The following LOC400499 variants were observed in gnomAD, a reference collection of about 807,000 sequenced individuals.
chr16:11,515,870 AGCCCAGCCCAGCCCAGCCCAGCCTAGC>A, the LOC400499 span: 2 of 14,418 alleles, frequency 1.4e-4, no homozygotes, highest in African/African-American at 3.6e-4. Context: ...AGCCCAGCCC[AGCCCAGCCCAGCCCAGCCCAGCCTAGC>A]CCAGCCCAGC....
At chr16:11,509,267 G>A in the LOC400499 span, among the ~76,000 whole-genome samples, 5 of 151,632 alleles carry the variant, frequency 3.3e-5, no homozygotes, top group African/African-American at 4.8e-5. Flanking sequence ...ACAGGCGCCT[G>A]CCACCACGCC....
the LOC400499 span, among the ~76,000 whole-genome samples, chr16:11,452,099 T>C: frequency 6.6e-6 from 1 of 152,166 alleles, no homozygotes; most frequent in African/African-American, 2.4e-5. Flanking sequence ...TTCATTCATG[T>C]TCTTTCAAGG....
At chr16:11,460,056 T>A in the LOC400499 span, 1 of 1,419,704 alleles carries the variant, frequency 7.0e-7, no homozygotes, top group Admixed American at 2.4e-5. Flanking sequence ...GAGCTGGACC[T>A]GGGACACACA....
chr16:11,475,332 AAAT>A, the LOC400499 span, among the ~76,000 whole-genome samples: 1 of 152,140 alleles, frequency 6.6e-6, no homozygotes, highest in Non-Finnish European at 1.5e-5. Context: ...AGTAAAATAA[AAAT>A]AATAAATAAA....
the LOC400499 span, chr16:11,414,555 C>T: frequency 2.5e-6 from 1 of 399,452 alleles, no homozygotes; most frequent in Non-Finnish European, 4.4e-6. Flanking sequence ...CTTCACCTCC[C>T]TTCCCAGCCC....
chr16:11,390,035 C>G, the LOC400499 span: 1 of 1,040,296 alleles, frequency 9.6e-7, no homozygotes. Context: ...CGGAAGGTGT[C>G]AAAGCATTCA....
the LOC400499 span, chr16:11,398,249 C>T: frequency 2.5e-5 from 27 of 1,091,564 alleles, no homozygotes; most frequent in Non-Finnish European, 3.0e-5. Context: ...CTGGCTGCCT[C>T]GCTCACACCC....
chr16:11,373,017 G>A, the LOC400499 span, among the ~76,000 whole-genome samples: 3 of 152,232 alleles, frequency 2.0e-5, no homozygotes, highest in Non-Finnish European at 2.9e-5. Context: ...TGCTCACTCT[G>A]TGTCAGGTTC....
At chr16:11,374,523 T>C in the LOC400499 span, among the ~76,000 whole-genome samples, 3 of 152,228 alleles carry the variant, frequency 2.0e-5, no homozygotes, top group Non-Finnish European at 2.9e-5. Flanking sequence ...ACCACTGTAC[T>C]TTCTGTCTCT....
chr16:11,396,342 G>A, the LOC400499 span: 39 of 628,678 alleles, frequency 6.2e-5, no homozygotes, highest in Middle Eastern at 4.9e-4. Flanking sequence ...GCGTTCCCCC[G>A]ACCCAGAATG....
At chr16:11,411,543 T>A in the LOC400499 span, among the ~76,000 whole-genome samples, 3 of 152,050 alleles carry the variant, frequency 2.0e-5, no homozygotes, top group Admixed American at 2.0e-4. Context: ...TTACCTAGAT[T>A]TGAGTCCTGG....
the LOC400499 span, chr16:11,487,147 G>C: frequency 2.5e-6 from 1 of 397,378 alleles, no homozygotes; most frequent in Non-Finnish European, 4.4e-6. Flanking sequence ...ATTAGGGGAG[G>C]AGATTGAACA....
chr16:11,425,799 T>C, the LOC400499 span, among the ~76,000 whole-genome samples: 1 of 152,158 alleles, frequency 6.6e-6, no homozygotes, highest in African/African-American at 2.4e-5. Context: ...ACCAATCTCA[T>C]ACAAACTCGT....
chr16:11,387,954 G>A, the LOC400499 span, among the ~76,000 whole-genome samples: 1 of 152,122 alleles, frequency 6.6e-6, no homozygotes, highest in African/African-American at 2.4e-5. Flanking sequence ...ACAGTTTAGG[G>A]GAGGACTGGA....
the LOC400499 span, among the ~76,000 whole-genome samples, chr16:11,397,792 A>AT: frequency 7.3e-4 from 20 of 27,444 alleles, no homozygotes; most frequent in African/African-American, 2.2e-3. Flanking sequence ...GGAGGGAGGG[A>AT]GGGAGGGATG....
chr16:11,458,040 G>A, the LOC400499 span, among the ~76,000 whole-genome samples: 4 of 151,542 alleles, frequency 2.6e-5, no homozygotes, highest in Admixed American at 6.6e-5. Flanking sequence ...CTGTCTCTAC[G>A]AAAAATACAA....
chr16:11,425,153 T>A, the LOC400499 span: 1 of 398,982 alleles, frequency 2.5e-6, no homozygotes, highest in Non-Finnish European at 4.4e-6. Context: ...TGATATTGTG[T>A]GTCGGGCCAC....
chr16:11,383,055 G>A, the LOC400499 span, among the ~76,000 whole-genome samples: 2 of 150,312 alleles, frequency 1.3e-5, no homozygotes, highest in African/African-American at 4.9e-5. Flanking sequence ...AGTACAAAGA[G>A]AGGAGGTGCC....
the LOC400499 span, among the ~76,000 whole-genome samples, chr16:11,520,761 G>T: frequency 3.3e-5 from 5 of 150,854 alleles, no homozygotes; most frequent in Non-Finnish European, 7.4e-5. Flanking sequence ...TTTGTTTCTT[G>T]CTCTGGTGAT....
Sources: allele counts gnomAD v4.1 joint callset (sites outside exome capture counted in the v4.1 genomes callset), GRCh38; gene constraint gnomAD v4.1.1; transcripts MANE v1.5.